Variants in ZC3HAV1L observed in about 807,000 individuals in gnomAD.
The protein encoded by ZC3HAV1L is zinc finger CCCH-type antiviral protein 1-like.
In ZC3HAV1L, 23 loss-of-function variants were observed where a neutral mutation model predicts 28.2. That is an observed-to-expected ratio of 0.82 (90% confidence interval 0.59 to 1.16). The LOEUF (loss-of-function observed/expected upper bound fraction) is 1.16, where lower values mean the gene tolerates loss of function less well. Ranked by LOEUF, ZC3HAV1L falls within the 50% of genes most tolerant of loss-of-function variation. ZC3HAV1L has a pLI of 0.00. For missense variants in ZC3HAV1L, 376 were observed against 387.7 expected (o/e 0.97, Z 0.25); for synonymous variants, 180 against 163.4 (o/e 1.10, Z -0.78).
Position 139,026,475 on chromosome 7 carries a change from A to T in ZC3HAV1L, c.*69T>A, listed in dbSNP as rs1815354511. ...CCTCTCTTTGCCTGTTCAATGTCCC[A>T]CCCCATCCCCAACCACCCATGCCCA... On this transcript the variant is annotated 3_prime_UTR_variant, in exon 5 of 5. Transcript: ENST00000275766. 1.3e-6 allele frequency: 2 copies of T among 1,599,762 alleles called. No homozygotes were observed. Among genetic ancestry groups the T allele is most frequent in the Non-Finnish European group, 1.7e-6 (2 of 1,175,032 alleles).
Position 139,026,848 on chromosome 7 carries a change from G to A in ZC3HAV1L, c.761-15C>T. 2 of 1,599,406 alleles carry A rather than the reference G, an allele frequency of 1.3e-6. No homozygotes were observed. The highest frequency in any genetic ancestry group is 1.7e-6 in the Non-Finnish European group (2 of 1,171,128). ...TGATGAATTATCTACAAAGAGGAAAGGGATAAGTTTTCCTACGATACCCCA... is the reference window on the plus strand; with the variant it reads ...TGATGAATTATCTACAAAGAGGAAAAGGATAAGTTTTCCTACGATACCCCA... On this transcript the variant is annotated splice_polypyrimidine_tract_variant and intron_variant, in intron 3 of 4. Transcript: ENST00000275766.
At chr7:139,025,046 A>G (rs1815317621), downstream of ZC3HAV1L, among the ~76,000 whole-genome samples, 1 of 152,174 alleles carries the variant, frequency 6.6e-6, no homozygotes, top group South Asian at 2.1e-4. Context: ...GGTGAGGTAT[A>G]CAGACTTCTG....
downstream of ZC3HAV1L, chr7:139,022,471 G>C (rs1476391091): frequency 5.2e-6 from 2 of 382,596 alleles, no homozygotes; most frequent in African/African-American, 4.3e-5. Context: ...GCTTGAGCCT[G>C]AGAAATCAAG....
chr7:139,023,068 G>A (rs1191000015), downstream of ZC3HAV1L, among the ~76,000 whole-genome samples: 1 of 151,296 alleles, frequency 6.6e-6, no homozygotes, highest in East Asian at 1.9e-4. Flanking sequence ...CCAGCTACTC[G>A]GGAGGCTGAG....
chr7:139,033,209 A>C (rs1414015655), intron 2 of ZC3HAV1L, among the ~76,000 whole-genome samples: 2 of 113,166 alleles, frequency 1.8e-5, no homozygotes, highest in African/African-American at 6.5e-5. Context: ...AAAAAAAAAA[A>C]AACTATATAA....
rs558910440 is a variant in ZC3HAV1L at position 139,030,369 on chromosome 7, G to A, written c.502-1409C>T. 7.2e-5 allele frequency among the ~76,000 whole-genome samples: 11 copies of A among 151,998 alleles called. No homozygotes were observed. In the South Asian group the frequency reaches 1.5e-3, roughly 20 times the overall value. On this transcript the variant is annotated intron_variant, in intron 2 of 4. Transcript: ENST00000275766. ...CTGAGGCAGAAGAATTACATGAACC[G>A]GGGAGGTGGAGGTTGCAGTGAGCCA...
chr7:139,024,300 C>A (rs1046156621), downstream of ZC3HAV1L, among the ~76,000 whole-genome samples: 2 of 152,002 alleles, frequency 1.3e-5, no homozygotes, highest in African/African-American at 4.8e-5. Context: ...TAAAATACTG[C>A]AACAAAGATG....
chr7:139,028,411 C>T (rs1170302392), intron 3 of ZC3HAV1L, among the ~76,000 whole-genome samples: 2 of 150,176 alleles, frequency 1.3e-5, no homozygotes, highest in Non-Finnish European at 3.0e-5. Context: ...CTACCTACTT[C>T]CTGACATCCA....
intron 3 of ZC3HAV1L, 55 bp from the exon 4 acceptor site, chr7:139,026,888 T>C (rs1440929843): frequency 1.9e-6 from 3 of 1,569,354 alleles, no homozygotes; most frequent in African/African-American, 2.7e-5. Flanking sequence ...TCATTTTACG[T>C]TGGGAGCAAC....
chr7:139,029,000 T>G (rs770527742), intron 2 of ZC3HAV1L, 40 bp from the exon 3 acceptor site: 3 of 1,582,748 alleles, frequency 1.9e-6, no homozygotes, highest in African/African-American at 1.4e-5. Flanking sequence ...TATTAGTTTT[T>G]CTTTTTTTTT....
chr7:139,027,308 G>A (rs1424254154), intron 3 of ZC3HAV1L, among the ~76,000 whole-genome samples: 1 of 152,194 alleles, frequency 6.6e-6, no homozygotes, highest in Non-Finnish European at 1.5e-5. Flanking sequence ...CTAGGTACCA[G>A]CAAATGTAAC....
chr7:139,025,333 AGCTACTTGGGAGGCTGAG>A (rs1240147684), downstream of ZC3HAV1L, among the ~76,000 whole-genome samples: 3 of 152,196 alleles, frequency 2.0e-5, no homozygotes, highest in East Asian at 5.8e-4. Context: ...CTGTAACCTC[AGCTACTTGGGAGGCTGAG>A]GCAGGAGAAC....
At chr7:139,028,608 G>T in intron 3 of ZC3HAV1L, 94 bp downstream of exon 3, 8 of 1,483,880 alleles carry the variant, frequency 5.4e-6, no homozygotes, top group Non-Finnish European at 6.3e-6. Flanking sequence ...TTTGCCCCCA[G>T]ACTCACTTTC....
At position 139,035,799 on chromosome 7, in the gene ZC3HAV1L, G is replaced by A. The variant is rs921648854; in HGVS notation, c.219C>T (p.Gly73=). Reference sequence around the variant, plus strand: ...CCCTCCAGGCGGAGGTGCCGCCACCGCCCACCGCGCCGGCCGCCGCCTCGG... The same window carrying A: ...CCCTCCAGGCGGAGGTGCCGCCACCACCCACCGCGCCGGCCGCCGCCTCGG... The part of the protein sequence containing the change: ...AEAEAAAGAV[G]GGGTSAWRVV... Residue 73 remains glycine, a synonymous_variant, in exon 1 of 5, where the codon GGC becomes GGT. Coordinates refer to ENST00000275766, the MANE Select transcript of ZC3HAV1L (RefSeq NM_080660.4). 6 of 1,487,272 alleles carry A rather than the reference G, an allele frequency of 4.0e-6. No homozygotes were observed. The South Asian group carries it at 5.1e-5, about 13-fold the overall frequency. 92.1% of individuals were successfully genotyped at this position (1,487,272 alleles called of 1,614,324 possible). A position where few individuals can be genotyped will look rare whatever the true frequency, so the allele number is the denominator to read the frequency against.
intron 2 of ZC3HAV1L, among the ~76,000 whole-genome samples, chr7:139,033,062 A>G (rs1462381097): frequency 6.6e-5 from 10 of 152,184 alleles, no homozygotes; most frequent in Non-Finnish European, 2.9e-5. Flanking sequence ...TACAAAAATT[A>G]GCTGGGCATG....
At position 139,036,027 on chromosome 7, in the gene ZC3HAV1L, C is replaced by G; in HGVS notation, c.-10G>C. On this transcript the variant is annotated 5_prime_UTR_variant, in exon 1 of 5. Coordinates refer to ENST00000275766, the MANE Select transcript of ZC3HAV1L (RefSeq NM_080660.4). ...CTGTGGGCTCCGCCATGGTCGCTGGCGCGGGCCCTGTGCGCGCGGCGCAGC... is the reference window on the plus strand; with the variant it reads ...CTGTGGGCTCCGCCATGGTCGCTGGGGCGGGCCCTGTGCGCGCGGCGCAGC... The G allele has an allele frequency of 1.3e-6, 2 of 1,493,482 alleles. No homozygotes were observed. Among genetic ancestry groups the G allele is most frequent in the Non-Finnish European group, 1.8e-6 (2 of 1,130,378 alleles). The allele number at this position is 1,493,482 out of a possible 1,614,324, so 92.5% of individuals were successfully genotyped here. A position where few individuals can be genotyped will look rare whatever the true frequency, so the allele number is the denominator to read the frequency against.
At chr7:139,024,814 G>A (rs528961143), downstream of ZC3HAV1L, among the ~76,000 whole-genome samples, 6 of 152,236 alleles carry the variant, frequency 3.9e-5, no homozygotes, top group East Asian at 1.2e-3. Flanking sequence ...GTTACTGCAG[G>A]ACAGTTGAAT....
chr7:139,025,458 A>AG (rs1165734864), downstream of ZC3HAV1L, among the ~76,000 whole-genome samples: 1 of 151,516 alleles, frequency 6.6e-6, no homozygotes, highest in Non-Finnish European at 1.5e-5. Flanking sequence ...CCAAAAAAAA[A>AG]AAAAAGAGTA....
intron 2 of ZC3HAV1L, among the ~76,000 whole-genome samples, chr7:139,031,542 C>T (rs756536577): frequency 4.6e-5 from 7 of 151,664 alleles, no homozygotes; most frequent in Non-Finnish European, 8.8e-5. Context: ...GCTAAGATCA[C>T]GCCACTGCAC....
Sources: gnomAD v4.1 joint callset for allele counts (sites outside exome capture counted in the v4.1 genomes callset) on GRCh38, gnomAD v4.1.1 for gene constraint, MANE v1.5 for transcripts, NCBI Gene and HGNC (gene_info 2026-07-23, HGNC 2026-07-21) for gene names.